ZCWPW2: variants seen among roughly 807,000 people sequenced by gnomAD.
ZCWPW2 encodes zinc finger CW-type PWWP domain protein 2.
A neutral mutation model predicts 46.6 loss-of-function variants in ZCWPW2; 45 were observed. That is an observed-to-expected ratio of 0.96 (90% CI 0.76 to 1.24). The LOEUF (loss-of-function observed/expected upper bound fraction) is 1.24, where lower values mean the gene tolerates loss of function less well. ZCWPW2 is among the 50% of genes most tolerant of loss of function. The probability of loss-of-function intolerance (pLI) is 0.00; values close to 1 mark genes in which losing one functional copy is unlikely to be tolerated. For synonymous variants in ZCWPW2, 152 were observed against 137.1 expected (o/e 1.11, Z -0.76); for missense variants, 429 against 403.9 (o/e 1.06, Z -0.53).
chr3:28,428,683 G>A (rs998721733), intron 3 of ZCWPW2, among the ~76,000 whole-genome samples: 4 of 152,108 alleles, frequency 2.6e-5, no homozygotes, highest in Non-Finnish European at 2.9e-5. Context: ...ACGTGTTGGG[G>A]GCAGGACCTT....
At position 28,380,952 on chromosome 3, in the gene ZCWPW2, ATATATATATATATATATATTTGG is replaced by A. The variant is rs1559480585; in HGVS notation, c.-133-9526_-133-9504del. On this transcript the variant is annotated intron_variant, in intron 1 of 9. Transcript: ENST00000383768. ...ATATTTGGTATATATATATATATAT[ATATATATATATATATATATTTGG>A]TATATATATATATATATATATTTGG... Among the ~76,000 whole-genome samples, 40 of 44,910 alleles carry A rather than the reference ATATATATATATATATATATTTGG, an allele frequency of 8.9e-4. 11 individuals carry two copies. Among genetic ancestry groups the A allele is most frequent in the African/African-American group, 4.3e-3 (38 of 8,832 alleles). The allele number at this position is 44,910 out of a possible 152,430, so 29.5% of individuals were successfully genotyped here.
At chr3:28,384,467 G>A (rs529479090) in intron 1 of ZCWPW2, among the ~76,000 whole-genome samples, 1 of 152,102 alleles carries the variant, frequency 6.6e-6, no homozygotes, top group South Asian at 2.1e-4. Context: ...TATGTATTCT[G>A]GGTATTAATT....
Position 28,400,915 on chromosome 3 carries a change from C to G in ZCWPW2, c.-14+10298C>G, listed in dbSNP as rs529913996. Among the ~76,000 whole-genome samples the G allele has an allele frequency of 1.6e-3, 243 of 152,258 alleles. 3 individuals carry two copies. Among genetic ancestry groups the G allele is most frequent in the African/African-American group, 5.5e-3 (228 of 41,548 alleles). ...ACAAAGACGGCTGGGCATGGTGGCT[C>G]ACGCCTGTAATCCCAGCACGTTGGG... On this transcript the variant is annotated intron_variant, in intron 2 of 9. Coordinates refer to ENST00000383768, the MANE Select transcript of ZCWPW2 (RefSeq NM_001040432.4).
intron 8 of ZCWPW2, 113 bp downstream of exon 8, chr3:28,515,734 T>C (rs910313252): frequency 2.0e-5 from 16 of 799,604 alleles, no homozygotes; most frequent in Non-Finnish European, 3.1e-5. Context: ...TGTGTGTGTG[T>C]GTGTGTGTGT....
chr3:28,479,790 T>A (rs1676095575), intron 5 of ZCWPW2, among the ~76,000 whole-genome samples: 1 of 152,220 alleles, frequency 6.6e-6, no homozygotes, highest in Non-Finnish European at 1.5e-5. Flanking sequence ...GTTTTGTTCC[T>A]GCATTAGTTT....
intron 1 of ZCWPW2, among the ~76,000 whole-genome samples, chr3:28,365,505 T>TA (rs1705092734): frequency 7.1e-6 from 1 of 141,074 alleles, no homozygotes; most frequent in Admixed American, 7.6e-5. Context: ...CGTTAGTCTA[T>TA]ATCTCCGTTT....
intron 6 of ZCWPW2, among the ~76,000 whole-genome samples, chr3:28,509,507 A>T (rs538775559): frequency 1.7e-4 from 26 of 152,162 alleles, no homozygotes; most frequent in African/African-American, 4.8e-4. Flanking sequence ...TCTATTTTTT[A>T]AAAAAATATT....
At chr3:28,402,717 A>T (rs1466876373) in intron 2 of ZCWPW2, among the ~76,000 whole-genome samples, 1 of 152,138 alleles carries the variant, frequency 6.6e-6, no homozygotes, top group East Asian at 1.9e-4. Context: ...ATCAAGTGGC[A>T]TATCAGAGAT....
chr3:28,463,361 T>C (rs891238373), intron 4 of ZCWPW2, among the ~76,000 whole-genome samples: 1 of 152,198 alleles, frequency 6.6e-6, no homozygotes, highest in Non-Finnish European at 1.5e-5. Flanking sequence ...CTGGAGTTAC[T>C]GGTATTAACC....
intron 7 of ZCWPW2, 54 bp downstream of exon 7, chr3:28,514,176 T>G: frequency 2.4e-6 from 3 of 1,250,130 alleles, no homozygotes; most frequent in Non-Finnish European, 3.2e-6. Context: ...ATATATTGGA[T>G]TTAGTTTAGA....
At chr3:28,469,395 A>C (rs1314388151) in intron 4 of ZCWPW2, among the ~76,000 whole-genome samples, 1 of 152,162 alleles carries the variant, frequency 6.6e-6, no homozygotes, top group Non-Finnish European at 1.5e-5. Context: ...ATGTAAATGG[A>C]CTGAACTCTC....
At chr3:28,460,765 G>A (rs1210233215) in intron 4 of ZCWPW2, among the ~76,000 whole-genome samples, 2 of 152,192 alleles carry the variant, frequency 1.3e-5, no homozygotes, top group Non-Finnish European at 2.9e-5. Context: ...GAGGAAAAGA[G>A]CGATAGCTTT....
At chr3:28,489,137 A>C (rs1699711088) in intron 5 of ZCWPW2, among the ~76,000 whole-genome samples, 1 of 152,166 alleles carries the variant, frequency 6.6e-6, no homozygotes, top group Non-Finnish European at 1.5e-5. Flanking sequence ...AATTTACATA[A>C]GAATGAGGTA....
intron 5 of ZCWPW2, among the ~76,000 whole-genome samples, chr3:28,490,474 G>T (rs1699770729): frequency 6.6e-6 from 1 of 152,080 alleles, no homozygotes; most frequent in Non-Finnish European, 1.5e-5. Flanking sequence ...ATTCACTATG[G>T]AATACTATGT....
chr3:28,426,139 G>A (rs535723875), intron 3 of ZCWPW2, among the ~76,000 whole-genome samples: 170 of 151,346 alleles, frequency 1.1e-3, no homozygotes, highest in South Asian at 2.5e-3. Flanking sequence ...ATATATATAT[G>A]TATATATAGC....
intron 4 of ZCWPW2, chr3:28,478,233 AT>A: frequency 4.3e-6 from 1 of 233,718 alleles, no homozygotes. Flanking sequence ...TGTGAATAGA[AT>A]TTTTTATTTT....
chr3:28,464,631 C>T (rs946459181), intron 4 of ZCWPW2, among the ~76,000 whole-genome samples: 1 of 152,162 alleles, frequency 6.6e-6, no homozygotes, highest in South Asian at 2.1e-4. Context: ...CTAACTCTTT[C>T]AGCCACAGAG....
At chr3:28,392,064 T>G (rs1695514274) in intron 2 of ZCWPW2, among the ~76,000 whole-genome samples, 1 of 152,136 alleles carries the variant, frequency 6.6e-6, no homozygotes, top group East Asian at 1.9e-4. Flanking sequence ...TAAAGAAAGA[T>G]CTGATAATAT....
chr3:28,507,043 T>C lies in ZCWPW2; in HGVS notation c.658-7021T>C, dbSNP rs1220633072. 2.0e-5 allele frequency among the ~76,000 whole-genome samples: 3 copies of C among 152,280 alleles called. No individual in the cohort carries two copies. The East Asian group carries it at 5.8e-4, about 29-fold the overall frequency. ...TTGTTTACACCAGACTTGCTGGCTA[T>C]TGGAGTGGTCAGGTGACTTACAAAA... On this transcript the variant is annotated intron_variant, in intron 6 of 9. Transcript: ENST00000383768.
Sources: gnomAD v4.1 joint callset for allele counts (sites outside exome capture counted in the v4.1 genomes callset) on GRCh38, gnomAD v4.1.1 for gene constraint, MANE v1.5 for transcripts, NCBI Gene and HGNC (gene_info 2026-07-23, HGNC 2026-07-21) for gene names.